ABHD12: variants seen among roughly 807,000 people sequenced by gnomAD.
The protein encoded by ABHD12 is abhydrolase domain containing 12, lysophospholipase.
A neutral mutation model predicts 58.3 loss-of-function variants in ABHD12; 43 were observed. That is an observed-to-expected ratio of 0.74 (90% CI 0.58 to 0.95). ABHD12 has a LOEUF of 0.95. Among genes scored for constraint, ABHD12 ranks in the 40% least tolerant of loss-of-function variants. The probability of loss-of-function intolerance (pLI) is 0.00; values close to 1 mark genes in which losing one functional copy is unlikely to be tolerated. For missense variants in ABHD12, 539 were observed against 537.2 expected, an observed-to-expected ratio of 1.00 and a Z score of -0.03; for synonymous variants, 219 against 211.2, an observed-to-expected ratio of 1.04 and a Z score of -0.32.
intron 1 of ABHD12, among the ~76,000 whole-genome samples, chr20:25,366,220 T>C (rs972695001): frequency 1.3e-5 from 2 of 152,316 alleles, no homozygotes; most frequent in African/African-American, 4.8e-5. Context: ...TTTGTCATTA[T>C]TTACATCATG....
chr20:25,321,330 T>C (rs1314818288), intron 3 of ABHD12, among the ~76,000 whole-genome samples: 2 of 152,234 alleles, frequency 1.3e-5, no homozygotes, highest in Non-Finnish European at 2.9e-5. Context: ...GGGCCTCTCC[T>C]CTCAGCAGAC....
At chr20:25,311,289 G>C (rs2088844838) in intron 6 of ABHD12, among the ~76,000 whole-genome samples, 1 of 152,164 alleles carries the variant, frequency 6.6e-6, no homozygotes, top group African/African-American at 2.4e-5. Flanking sequence ...GTCCTCATCA[G>C]AGAAAAAGGG....
downstream of ABHD12, among the ~76,000 whole-genome samples, chr20:25,298,550 T>TGG (rs2088586649): frequency 6.6e-6 from 1 of 152,182 alleles, no homozygotes; most frequent in Admixed American, 6.5e-5. Flanking sequence ...CCACTGTTCC[T>TGG]GGCCAAGCTA....
chr20:25,313,429 A>G (rs2088900657), intron 6 of ABHD12, among the ~76,000 whole-genome samples: 1 of 151,808 alleles, frequency 6.6e-6, no homozygotes, highest in Non-Finnish European at 1.5e-5. Flanking sequence ...TCAAGTACCC[A>G]GGGACACAAA....
intron 7 of ABHD12, among the ~76,000 whole-genome samples, chr20:25,309,231 TCTGTC>T (rs1391972367): frequency 6.6e-6 from 1 of 152,152 alleles, no homozygotes; most frequent in Non-Finnish European, 1.5e-5. Flanking sequence ...ACTGCCTATG[TCTGTC>T]CTGAGCCACT....
Position 25,323,329 on chromosome 20 carries a change from C to A in ABHD12, c.418G>T (p.Val140Phe). 1 of 1,611,276 alleles carries A rather than the reference C, an allele frequency of 6.2e-7. No individual in the cohort carries two copies. The highest frequency in any genetic ancestry group is 8.5e-7 in the Non-Finnish European group (1 of 1,177,368). Reference sequence around the variant, plus strand: ...GCAGAGCTCACTGGCACTCACCAGACTCCAATGGTCACGTCTTCCTCTGGC... The same window carrying A: ...GCAGAGCTCACTGGCACTCACCAGAATCCAATGGTCACGTCTTCCTCTGGC... ...LQPEEDVTIG[V>F]WHTVPAVWWK... The change falls in exon 3 of 13, where the codon GTC (valine) becomes TTC (phenylalanine). Residue 140 changes from valine to phenylalanine, a missense_variant. Transcript: ENST00000339157.
chr20:25,295,527 C>T, downstream of ABHD12: 1 of 1,500,030 alleles, frequency 6.7e-7, no homozygotes, highest in South Asian at 1.1e-5. Flanking sequence ...TGGCCTCCTG[C>T]CCTGGGACTC....
intron 2 of ABHD12, among the ~76,000 whole-genome samples, chr20:25,328,986 A>C (rs2089221958): frequency 3.3e-5 from 5 of 152,196 alleles, no homozygotes; most frequent in Admixed American, 3.3e-4. Context: ...AAGTGAGATG[A>C]GTGGTGAGAC....
At chr20:25,358,455 T>C (rs1207919983) in intron 1 of ABHD12, among the ~76,000 whole-genome samples, 1 of 152,216 alleles carries the variant, frequency 6.6e-6, no homozygotes, top group Non-Finnish European at 1.5e-5. Flanking sequence ...TGGTCTATCC[T>C]CATGGGCAAC....
rs773432339 is a variant in ABHD12, at chr20:25,320,273, G to T, written c.468C>A (p.Asp156Glu). The T allele has an allele frequency of 3.7e-6, 6 of 1,614,128 alleles. No homozygotes were observed. Among genetic ancestry groups the T allele is most frequent in the Middle Eastern group, 1.6e-4 (1 of 6,062 alleles). The change falls in exon 4 of 13, where the codon GAC (aspartate) becomes GAA (glutamate). Residue 156 changes from aspartate (D) to glutamate (E), a missense_variant. By Grantham distance (45) the Asp-to-Glu change is conservative. Coordinates refer to ENST00000339157, the MANE Select transcript of ABHD12 (RefSeq NM_001042472.3). ...AVWWKNAQGK[D>E]QMWYEDALAS... Reference sequence around the variant, plus strand: ...CCAAGGCATCCTCATACCACATCTGGTCTTTGCCTTGGGCGTTCTTCCACC... The same window carrying T: ...CCAAGGCATCCTCATACCACATCTGTTCTTTGCCTTGGGCGTTCTTCCACC...
chr20:25,301,036 CTCAG>C (rs1243693009), intron 12 of ABHD12, 152 bp from the exon 13 acceptor site: 1 of 809,438 alleles, frequency 1.2e-6, no homozygotes, highest in Non-Finnish European at 2.1e-6. Context: ...CAGAGCAGCA[CTCAG>C]TGAGTTAGGC....
At chr20:25,377,500 A>G (rs1403948880) in intron 1 of ABHD12, among the ~76,000 whole-genome samples, 1 of 152,142 alleles carries the variant, frequency 6.6e-6, no homozygotes, top group East Asian at 1.9e-4. Flanking sequence ...GGGACTCCGA[A>G]GAGTCCCAAG....
chr20:25,389,753 T>G (rs926786500), intron 1 of ABHD12, among the ~76,000 whole-genome samples: 1 of 152,190 alleles, frequency 6.6e-6, no homozygotes, highest in East Asian at 1.9e-4. Flanking sequence ...GAGGCGAACT[T>G]GTGCGGACAG....
intron 1 of ABHD12, chr20:25,368,654 G>C (rs2089857470): frequency 7.3e-7 from 1 of 1,364,356 alleles, no homozygotes. Context: ...CCAGTGCTCA[G>C]AGCATGAAAG....
At chr20:25,335,786 A>T (rs1243260922) in intron 2 of ABHD12, among the ~76,000 whole-genome samples, 1 of 138,898 alleles carries the variant, frequency 7.2e-6, no homozygotes, top group Non-Finnish European at 1.5e-5. Flanking sequence ...GAAGGGGAAC[A>T]TCACACTCTG....
At chr20:25,314,522 A>C (rs2088923598) in intron 6 of ABHD12, among the ~76,000 whole-genome samples, 2 of 152,054 alleles carry the variant, frequency 1.3e-5, no homozygotes, top group Admixed American at 1.3e-4. Context: ...TACTAAAAAC[A>C]AAAACAAAAC....
intron 1 of ABHD12, among the ~76,000 whole-genome samples, chr20:25,342,661 CAA>C (rs2089470289): frequency 6.6e-6 from 1 of 152,150 alleles, no homozygotes; most frequent in Non-Finnish European, 1.5e-5. Flanking sequence ...TGCGGTGGCA[CAA>C]TTATAGCTCA....
intron 4 of ABHD12, among the ~76,000 whole-genome samples, chr20:25,317,485 C>A (rs1425870059): frequency 6.6e-6 from 1 of 152,202 alleles, no homozygotes; most frequent in East Asian, 1.9e-4. Context: ...TTGCTCCGCA[C>A]GTCTCAGCCG....
chr20:25,369,568 T>C (rs111756425), intron 1 of ABHD12, among the ~76,000 whole-genome samples: 3,190 of 152,234 alleles, frequency 0.021, 102 homozygotes, highest in African/African-American at 0.072. Context: ...TACCTGCTCT[T>C]AACCACTTCT....
Sources: gnomAD v4.1 joint callset for allele counts (sites outside exome capture counted in the v4.1 genomes callset) on GRCh38, gnomAD v4.1.1 for gene constraint, MANE v1.5 for transcripts, NCBI Gene and HGNC (gene_info 2026-07-23, HGNC 2026-07-21) for gene names.